The following MAP6 variants were observed in gnomAD, a reference collection of about 807,000 sequenced individuals.
The protein encoded by MAP6 is microtubule associated protein 6.
Under a neutral mutation model 42.4 loss-of-function variants are expected in MAP6, and 26 were observed. The ratio of observed to expected loss-of-function variants is 0.61; its 90% CI spans 0.45 to 0.85. MAP6 has a LOEUF of 0.85. Among genes scored for constraint, MAP6 ranks in the 40% least tolerant of loss-of-function variants. The pLI is 0.00. For missense variants in MAP6, 966 were observed against 1,099.0 expected (o/e 0.88, Z 1.71); for synonymous variants, 418 against 443.8 (o/e 0.94, Z 0.73).
intron 1 of MAP6, among the ~76,000 whole-genome samples, chr11:75,632,022 T>C (rs1342170957): frequency 6.6e-6 from 1 of 151,886 alleles, no homozygotes; most frequent in Non-Finnish European, 1.5e-5. Context: ...CAACGGAGAG[T>C]GTAAAATTAT....
chr11:75,601,252 T>C (rs1347805128), intron 3 of MAP6, among the ~76,000 whole-genome samples: 2 of 152,216 alleles, frequency 1.3e-5, no homozygotes, highest in African/African-American at 2.4e-5. Context: ...TGCTTTCCTG[T>C]GTCTTTTTCT....
At chr11:75,626,889 A>G (rs1943206859) in intron 1 of MAP6, among the ~76,000 whole-genome samples, 1 of 152,236 alleles carries the variant, frequency 6.6e-6, no homozygotes, top group African/African-American at 2.4e-5. Context: ...GAGTCATTTG[A>G]TATCAGAGGT....
At chr11:75,627,461 C>T (rs1485507370) in intron 1 of MAP6, among the ~76,000 whole-genome samples, 3 of 152,202 alleles carry the variant, frequency 2.0e-5, no homozygotes, top group East Asian at 3.8e-4. Context: ...CTTGCACGTA[C>T]GTCCATGTCT....
chr11:75,616,518 C>T (rs1400144507), intron 1 of MAP6, among the ~76,000 whole-genome samples: 1 of 152,222 alleles, frequency 6.6e-6, no homozygotes, highest in Admixed American at 6.5e-5. Context: ...TTCGTGCACT[C>T]TGATGGAGGC....
At chr11:75,591,015 G>A (rs531543979) in intron 3 of MAP6, among the ~76,000 whole-genome samples, 1 of 152,066 alleles carries the variant, frequency 6.6e-6, no homozygotes, top group African/African-American at 2.4e-5. Flanking sequence ...CATAGATTTA[G>A]TTCAAAGGTA....
intron 1 of MAP6, among the ~76,000 whole-genome samples, chr11:75,665,994 C>G (rs1346629234): frequency 2.0e-5 from 3 of 152,058 alleles, no homozygotes; most frequent in Non-Finnish European, 4.4e-5. Flanking sequence ...TTTCCTCAGC[C>G]TATGAGAGAG....
intron 1 of MAP6, among the ~76,000 whole-genome samples, chr11:75,634,812 A>G (rs1002894854): frequency 1.3e-5 from 2 of 152,320 alleles, no homozygotes; most frequent in East Asian, 3.8e-4. Context: ...TTTTCTATTA[A>G]TGAGTGTTTA....
chr11:75,633,797 G>T (rs1286969607), intron 1 of MAP6, among the ~76,000 whole-genome samples: 1 of 152,234 alleles, frequency 6.6e-6, no homozygotes, highest in Non-Finnish European at 1.5e-5. Flanking sequence ...GGCTGAATGG[G>T]AGCTAACGAG....
intron 3 of MAP6, among the ~76,000 whole-genome samples, chr11:75,600,769 G>C (rs1942651948): frequency 6.6e-6 from 1 of 152,202 alleles, no homozygotes; most frequent in Non-Finnish European, 1.5e-5. Context: ...ACACACTAAA[G>C]GAGTCCATAG....
intron 1 of MAP6, among the ~76,000 whole-genome samples, chr11:75,653,744 G>A (rs138338127): frequency 9.8e-4 from 149 of 152,304 alleles, no homozygotes; most frequent in African/African-American, 3.4e-3. Context: ...ACTCAGAGAT[G>A]CTTGCTGGAC....
intron 1 of MAP6, among the ~76,000 whole-genome samples, chr11:75,617,790 C>T (rs575603734): frequency 6.6e-5 from 10 of 152,208 alleles, no homozygotes; most frequent in Admixed American, 2.0e-4. Context: ...ACCATTTCCC[C>T]GTCACTGTCA....
chr11:75,651,303 C>T (rs1470368029), intron 1 of MAP6, among the ~76,000 whole-genome samples: 1 of 152,132 alleles, frequency 6.6e-6, no homozygotes, highest in Non-Finnish European at 1.5e-5. Flanking sequence ...TAAAAGGCTC[C>T]CCACAGAATG....
intron 2 of MAP6, among the ~76,000 whole-genome samples, chr11:75,606,740 C>T (rs1383899853): frequency 6.6e-6 from 1 of 152,176 alleles, no homozygotes; most frequent in African/African-American, 2.4e-5. Context: ...TGCTCCTCCT[C>T]TCTGCCTGGC....
Position 75,664,288 on chromosome 11 carries a change from T to A in MAP6, c.905+3177A>T, listed in dbSNP as rs139373068. On this transcript the variant is annotated intron_variant, in intron 1 of 3. Coordinates refer to ENST00000304771, the MANE Select transcript of MAP6 (RefSeq NM_033063.2). ...CTACTTGAATGCAAAAATCTCAGGCTGATATGAATGGATTGGGAATTAGAT... is the reference window on the plus strand; with the variant it reads ...CTACTTGAATGCAAAAATCTCAGGCAGATATGAATGGATTGGGAATTAGAT... Among the ~76,000 whole-genome samples, 43 of 152,334 alleles carry A rather than the reference T, an allele frequency of 2.8e-4. No homozygotes were observed. In the East Asian group the frequency reaches 8.1e-3, roughly 29 times the overall value.
At chr11:75,634,022 G>A (rs1298513239) in intron 1 of MAP6, among the ~76,000 whole-genome samples, 1 of 152,168 alleles carries the variant, frequency 6.6e-6, no homozygotes, top group Non-Finnish European at 1.5e-5. Context: ...AAGAAGCAGA[G>A]AGACCTGTTA....
intron 3 of MAP6, chr11:75,603,370 T>C (rs1166724846): frequency 4.1e-6 from 4 of 985,460 alleles, no homozygotes; most frequent in Admixed American, 6.2e-5. Context: ...TTCAGTACGT[T>C]TGGGATATAG....
At chr11:75,657,367 T>A (rs1342536075) in intron 1 of MAP6, among the ~76,000 whole-genome samples, 1 of 152,152 alleles carries the variant, frequency 6.6e-6, no homozygotes, top group Non-Finnish European at 1.5e-5. Context: ...CGCCTTGGTG[T>A]CCCAAAGTGC....
At chr11:75,652,697 G>C (rs768641983) in intron 1 of MAP6, among the ~76,000 whole-genome samples, 11 of 151,912 alleles carry the variant, frequency 7.2e-5, no homozygotes, top group Non-Finnish European at 1.6e-4. Flanking sequence ...AAATTAGCCA[G>C]GCATGGTGGC....
chr11:75,629,983 G>A (rs1043771958), intron 1 of MAP6, among the ~76,000 whole-genome samples: 1 of 152,154 alleles, frequency 6.6e-6, no homozygotes, highest in Non-Finnish European at 1.5e-5. Flanking sequence ...CAAAGACAAG[G>A]CTAGGACCTA....
Sources: gnomAD v4.1 joint callset for allele counts (sites outside exome capture counted in the v4.1 genomes callset) on GRCh38, gnomAD v4.1.1 for gene constraint, MANE v1.5 for transcripts, NCBI Gene and HGNC (gene_info 2026-07-23, HGNC 2026-07-21) for gene names.